Variants in DCC observed in about 807,000 individuals in gnomAD.
DCC encodes the protein netrin receptor DCC.
In DCC, 58 loss-of-function variants were observed where a neutral mutation model predicts 172.5. The ratio of observed to expected loss-of-function variants is 0.34; its 90% confidence interval spans 0.27 to 0.42. DCC has a LOEUF of 0.42. Ranked by LOEUF, DCC falls within the 10% of genes least tolerant of loss-of-function variation. The pLI, the probability that DCC is intolerant of heterozygous loss-of-function variation, is 1.00. For missense variants in DCC, 1,740 were observed against 1,791.0 expected, an observed-to-expected ratio of 0.97 and a Z score of 0.51; for synonymous variants, 709 against 644.5, an observed-to-expected ratio of 1.10 and a Z score of -1.52.
At chr18:53,502,609 T>C (rs1229054949) in intron 27 of DCC, among the ~76,000 whole-genome samples, 1 of 152,044 alleles carries the variant, frequency 6.6e-6, no homozygotes, top group Non-Finnish European at 1.5e-5. Flanking sequence ...GTCATTCTCT[T>C]GTCAGCTTTT....
At chr18:53,515,928 T>G in intron 27 of DCC, among the ~76,000 whole-genome samples, 1 of 152,016 alleles carries the variant, frequency 6.6e-6, no homozygotes, top group Non-Finnish European at 1.5e-5. Context: ...ATGCCTTTCT[T>G]CACAGAATTG....
At chr18:52,747,666 A>C (rs565200305) in intron 1 of DCC, among the ~76,000 whole-genome samples, 1 of 152,318 alleles carries the variant, frequency 6.6e-6, no homozygotes, top group East Asian at 1.9e-4. Context: ...CTCTCTTCAT[A>C]CATTAAATCA....
chr18:53,392,897 A>T (rs1908654346), intron 17 of DCC, among the ~76,000 whole-genome samples: 1 of 152,222 alleles, frequency 6.6e-6, no homozygotes, highest in South Asian at 2.1e-4. Flanking sequence ...ACTTCACAAG[A>T]TACTGATTGG....
chr18:52,596,228 G>T (rs899861147), intron 1 of DCC, among the ~76,000 whole-genome samples: 2 of 152,098 alleles, frequency 1.3e-5, no homozygotes. Flanking sequence ...CCAAGTAATG[G>T]AACTAACATT....
At chr18:53,520,222 C>G (rs1408310580) in intron 27 of DCC, among the ~76,000 whole-genome samples, 1 of 152,062 alleles carries the variant, frequency 6.6e-6, no homozygotes, top group Non-Finnish European at 1.5e-5. Context: ...CAAATAGTCA[C>G]CCGACAGTAG....
intron 1 of DCC, among the ~76,000 whole-genome samples, chr18:52,599,609 G>A (rs1007417199): frequency 6.6e-6 from 1 of 151,992 alleles, no homozygotes. Flanking sequence ...CTGCCTCCTG[G>A]GTTCAAGCGA....
intron 1 of DCC, among the ~76,000 whole-genome samples, chr18:52,699,310 C>A (rs1233137998): frequency 2.6e-5 from 4 of 152,012 alleles, no homozygotes; most frequent in African/African-American, 9.7e-5. Context: ...CTTGTGTGGC[C>A]CTCTGGCTAG....
At chr18:53,177,630 C>T (rs1306492776) in intron 8 of DCC, among the ~76,000 whole-genome samples, 2 of 152,112 alleles carry the variant, frequency 1.3e-5, no homozygotes, top group Non-Finnish European at 2.9e-5. Flanking sequence ...ATCATGCTTC[C>T]CTACCTCAAG....
At chr18:52,675,191 T>A (rs1310495181) in intron 1 of DCC, among the ~76,000 whole-genome samples, 3 of 152,156 alleles carry the variant, frequency 2.0e-5, no homozygotes, top group African/African-American at 7.2e-5. Flanking sequence ...CCCTAGTAGC[T>A]GGGATTACAG....
intron 1 of DCC, among the ~76,000 whole-genome samples, chr18:52,579,949 A>C (rs569711115): frequency 8.5e-5 from 13 of 152,238 alleles, no homozygotes; most frequent in Non-Finnish European, 1.5e-4. Context: ...AAAATTTTAA[A>C]TATATCCCAG....
intron 5 of DCC, among the ~76,000 whole-genome samples, chr18:52,990,527 C>A (rs1375307232): frequency 5.1e-5 from 3 of 59,402 alleles, no homozygotes; most frequent in Admixed American, 3.2e-4. Flanking sequence ...GCAACAAGAG[C>A]AAAACTCCAT....
chr18:52,345,428 A>T (rs1983836491), intron 1 of DCC, among the ~76,000 whole-genome samples: 1 of 152,178 alleles, frequency 6.6e-6, no homozygotes, highest in Non-Finnish European at 1.5e-5. Context: ...AGGAAAATTT[A>T]AGAGTTTCAT....
intron 15 of DCC, among the ~76,000 whole-genome samples, chr18:53,364,492 CTG>C (rs1169601731): frequency 1.3e-5 from 2 of 151,998 alleles, no homozygotes; most frequent in East Asian, 1.9e-4. Context: ...AGAGAGAACA[CTG>C]TGAGTTTCTG....
At chr18:53,446,720 G>T (rs996621627) in intron 22 of DCC, among the ~76,000 whole-genome samples, 1 of 152,080 alleles carries the variant, frequency 6.6e-6, no homozygotes. Context: ...CAAAAATTTT[G>T]GGTTGCCCAG....
intron 1 of DCC, among the ~76,000 whole-genome samples, chr18:52,565,545 A>G (rs1473570277): frequency 6.6e-6 from 1 of 152,194 alleles, no homozygotes; most frequent in Non-Finnish European, 1.5e-5. Context: ...AACTGGCATG[A>G]GATGGTATCT....
intron 15 of DCC, among the ~76,000 whole-genome samples, chr18:53,345,751 G>A (rs1368038071): frequency 1.4e-5 from 2 of 145,990 alleles, no homozygotes; most frequent in Non-Finnish European, 3.1e-5. Context: ...ATAGAATTCC[G>A]CATTGACAGA....
chr18:53,139,568 C>T (rs1173957943), intron 7 of DCC, among the ~76,000 whole-genome samples: 1 of 152,052 alleles, frequency 6.6e-6, no homozygotes, highest in Non-Finnish European at 1.5e-5. Flanking sequence ...ACTTATTGTG[C>T]ACCTGCTATG....
intron 15 of DCC, among the ~76,000 whole-genome samples, chr18:53,362,471 C>T (rs1258000823): frequency 7.9e-5 from 12 of 152,148 alleles, no homozygotes; most frequent in Admixed American, 7.2e-4. Flanking sequence ...GTTACTTAAA[C>T]GCTGTGTCCT....
intron 2 of DCC, among the ~76,000 whole-genome samples, chr18:52,773,416 T>C (rs1327237660): frequency 6.6e-6 from 1 of 152,208 alleles, no homozygotes; most frequent in Non-Finnish European, 1.5e-5. Context: ...CACCAAATCT[T>C]TATTAGTTTC....
Sources: gnomAD v4.1 joint callset for allele counts (sites outside exome capture counted in the v4.1 genomes callset) on GRCh38, gnomAD v4.1.1 for gene constraint, MANE v1.5 for transcripts, NCBI Gene and HGNC (gene_info 2026-07-23, HGNC 2026-07-21) for gene names.